GSG1: variants seen among roughly 807,000 people sequenced by gnomAD.
GSG1 encodes germ cell associated 1.
A neutral mutation model predicts 30.8 loss-of-function variants in GSG1; 28 were observed. The ratio of observed to expected loss-of-function variants is 0.91; its 90% CI spans 0.67 to 1.25. The LOEUF (loss-of-function observed/expected upper bound fraction) is 1.25. Among genes scored for constraint, GSG1 ranks in the 50% most tolerant of loss-of-function variants. The pLI is 0.00. For missense variants in GSG1, 435 were observed against 444.7 expected, an observed-to-expected ratio of 0.98 and a Z score of 0.20; for synonymous variants, 162 against 178.0, an observed-to-expected ratio of 0.91 and a Z score of 0.71.
intron 1 of GSG1, among the ~76,000 whole-genome samples, chr12:13,098,959 T>C (rs981833207): frequency 6.6e-6 from 1 of 152,198 alleles, no homozygotes; most frequent in African/African-American, 2.4e-5. Flanking sequence ...CCTTGTTACC[T>C]AATTTACACT....
chr12:13,086,697 A>G (rs1418572828), intron 6 of GSG1, among the ~76,000 whole-genome samples: 1 of 152,168 alleles, frequency 6.6e-6, no homozygotes, highest in African/African-American at 2.4e-5. Flanking sequence ...AAATGGATAT[A>G]GAAGGAAGTG....
intron 1 of GSG1, among the ~76,000 whole-genome samples, chr12:13,094,226 T>G (rs1866441629): frequency 1.3e-5 from 2 of 152,238 alleles, no homozygotes; most frequent in Admixed American, 1.3e-4. Context: ...TGAAACAATT[T>G]GTTCTTCAGA....
Position 13,101,137 on chromosome 12 carries a change from G to T in GSG1, c.48+2328C>A, listed in dbSNP as rs1007806282. Among the ~76,000 whole-genome samples, 1 of 152,134 alleles carries T rather than the reference G, an allele frequency of 6.6e-6. No individual in the cohort carries two copies. Among genetic ancestry groups the T allele is most frequent in the African/African-American group, 2.4e-5 (1 of 41,442 alleles). ...CAATCGCTCACGCGCGGGTGACGGCGCCAGCAGGCCGGCTGGGGCCGGGGG... is the reference window on the plus strand; with the variant it reads ...CAATCGCTCACGCGCGGGTGACGGCTCCAGCAGGCCGGCTGGGGCCGGGGG... On this transcript the variant is annotated intron_variant, in intron 1 of 6. Transcript: ENST00000651961. The surrounding 1 kb of genome is among the most constrained non-coding windows in gnomAD (Gnocchi z 5.8).
At chr12:13,088,588 A>T in intron 4 of GSG1, 3 of 678,694 alleles carry the variant, frequency 4.4e-6, no homozygotes, top group Non-Finnish European at 7.5e-6. Context: ...CTGTTTTTGC[A>T]TTCCTGCATA....
chr12:13,085,458 A>G (rs1815963921), intron 6 of GSG1, among the ~76,000 whole-genome samples: 1 of 151,716 alleles, frequency 6.6e-6, no homozygotes, highest in Admixed American at 6.6e-5. Context: ...AAGGAGCTTA[A>G]TGGATTTGTT....
intron 1 of GSG1, among the ~76,000 whole-genome samples, chr12:13,099,750 GTTTTTT>G (rs57762367): frequency 1.7e-5 from 2 of 114,834 alleles, no homozygotes; most frequent in Non-Finnish European, 3.6e-5. Context: ...GTTTTTTTTT[GTTTTTT>G]TTTTTTTTTT....
rs1394728767 is a variant in GSG1 at position 13,093,161 on chromosome 12, TTAA to T, written c.49-2346_49-2344del. Among the ~76,000 whole-genome samples, 1 of 151,596 alleles carries T rather than the reference TTAA, an allele frequency of 6.6e-6. No individual in the cohort carries two copies. Among genetic ancestry groups the T allele is most frequent in the South Asian group, 2.1e-4 (1 of 4,828 alleles). On this transcript the variant is annotated intron_variant, in intron 1 of 6. Transcript: ENST00000651961. The surrounding 1 kb of genome is among the most constrained non-coding windows in gnomAD (Gnocchi z 4.6). ...TACATATAAATATATAATTATATAA[TTAA>T]TAATTGACAAGGCAATTGATAACTT...
In GSG1 at chr12:13,084,953, C is replaced by A. The variant is rs746633593; in HGVS notation, c.1037G>T (p.Ser346Ile). Reference sequence around the variant, plus strand: ...CCTAACTGCTTCTTTCAGCTCCTGGCTGGCCCCTCTTTGAAATCCCTTGTT... The same window carrying A: ...CCTAACTGCTTCTTTCAGCTCCTGGATGGCCCCTCTTTGAAATCCCTTGTT... Reference protein sequence around the residue: ...LRNKGFQRGASQELKEAVRSS... With the variant: ...LRNKGFQRGAIQELKEAVRSS... The change falls in exon 7 of 7, where the codon AGC (serine) becomes ATC (isoleucine). Residue 346 changes from serine to isoleucine, a missense_variant. Transcript: ENST00000651961. 6.4e-7 allele frequency: 1 copy of A among 1,551,836 alleles called. No homozygotes were observed. The highest frequency in any genetic ancestry group is 2.0e-5 in the Admixed American group (1 of 51,010).
chr12:13,099,553 G>A (rs991182051), intron 1 of GSG1, among the ~76,000 whole-genome samples: 2 of 152,194 alleles, frequency 1.3e-5, no homozygotes, highest in East Asian at 3.9e-4. Flanking sequence ...ACTAGGCTGT[G>A]CATCAAGAGA....
Position 13,083,956 on chromosome 12 carries a change from C to G in GSG1, c.*945G>C, listed in dbSNP as rs146365180. ...TCACTGATGGACATTTGGGTTGGTT[C>G]CAAGTCTTTGCTATTATAAATAGTG... On this transcript the variant is annotated 3_prime_UTR_variant, in exon 7 of 7. Coordinates refer to ENST00000651961, the MANE Select transcript of GSG1 (RefSeq NM_001080555.4). The G allele has an allele frequency of 1.5e-3, 223 of 152,118 alleles. No homozygotes were observed. Among genetic ancestry groups the G allele is most frequent in the African/African-American group, 5.0e-3 (207 of 41,466 alleles). The allele number at this position is 152,118 out of a possible 1,614,324, so 9.4% of individuals were successfully genotyped here.
chr12:13,089,124 A>G (rs1011188970), intron 3 of GSG1, 84 bp downstream of exon 3: 2 of 1,390,124 alleles, frequency 1.4e-6, no homozygotes, highest in African/African-American at 2.9e-5. Flanking sequence ...AATGCAGAAG[A>G]TGTTTCCATG....
chr12:13,095,190 C>T (rs1192269848), intron 1 of GSG1, among the ~76,000 whole-genome samples: 1 of 152,208 alleles, frequency 6.6e-6, no homozygotes, highest in Non-Finnish European at 1.5e-5. Flanking sequence ...ATACTTTACT[C>T]CTTTCCCCAA....
chr12:13,084,001 G>T lies in GSG1; in HGVS notation c.*900C>A, dbSNP rs1204402145. 6.6e-6 allele frequency: 1 copy of T among 152,124 alleles called. No individual in the cohort carries two copies. The highest frequency in any genetic ancestry group is 1.5e-5 in the Non-Finnish European group (1 of 68,034). 9.4% of individuals were successfully genotyped at this position (152,124 alleles called of 1,614,324 possible). ...ATAGTGCCGTAATAAACATATGTGT[G>T]CATGTGTCTTTATAGCAGCATGATT... On this transcript the variant is annotated 3_prime_UTR_variant, in exon 7 of 7. Transcript: ENST00000651961.
At chr12:13,091,493 C>T (rs574145895) in intron 1 of GSG1, among the ~76,000 whole-genome samples, 1 of 152,330 alleles carries the variant, frequency 6.6e-6, no homozygotes, top group Non-Finnish European at 1.5e-5. Context: ...CGCTTGAGTT[C>T]AGGAATTCAT....
intron 6 of GSG1, among the ~76,000 whole-genome samples, chr12:13,086,114 G>T (rs1865495427): frequency 6.6e-6 from 1 of 152,308 alleles, no homozygotes; most frequent in East Asian, 1.9e-4. Context: ...TCACATGCGG[G>T]CACTGTGTGT....
At chr12:13,099,755 T>TTTTTTG (rs1863037225) in intron 1 of GSG1, among the ~76,000 whole-genome samples, 11 of 133,832 alleles carry the variant, frequency 8.2e-5, no homozygotes, top group Admixed American at 3.7e-4. Context: ...TTTTTGTTTT[T>TTTTTTG]TTTTTTTTTT....
chr12:13,087,080 A>G (rs1449834786), intron 6 of GSG1, 72 bp downstream of exon 6: 1 of 988,562 alleles, frequency 1.0e-6, no homozygotes, highest in African/African-American at 1.6e-5. Context: ...CCGAATAAGC[A>G]TCTAGCTGAG....
chr12:13,097,577 C>G (rs895337554), intron 1 of GSG1, among the ~76,000 whole-genome samples: 1 of 152,150 alleles, frequency 6.6e-6, no homozygotes, highest in Non-Finnish European at 1.5e-5. Flanking sequence ...CCTCAAAGGT[C>G]TCACTTTCAT....
intron 1 of GSG1, among the ~76,000 whole-genome samples, chr12:13,096,091 C>T (rs984532756): frequency 3.9e-5 from 6 of 152,172 alleles, no homozygotes; most frequent in Admixed American, 1.3e-4. Flanking sequence ...AAACTCTATT[C>T]TCTGCAATGT....
Sources: allele counts gnomAD v4.1 joint callset (sites outside exome capture counted in the v4.1 genomes callset), GRCh38; gene constraint gnomAD v4.1.1; non-coding constraint Gnocchi (gnomAD v3.1); transcripts MANE v1.5; gene names NCBI Gene and HGNC (gene_info 2026-07-23, HGNC 2026-07-21).